The following CSGALNACT1 variants were observed in gnomAD, a reference collection of about 807,000 sequenced individuals.
CSGALNACT1 encodes beta4GalNAcT-1.
A neutral mutation model predicts 51.0 loss-of-function variants in CSGALNACT1; 52 were observed. The ratio of observed to expected loss-of-function variants is 1.02; its 90% confidence interval spans 0.82 to 1.29. The LOEUF is 1.29. Ranked by LOEUF, CSGALNACT1 falls within the 50% of genes most tolerant of loss-of-function variation. The pLI is 0.00. For missense variants in CSGALNACT1, 935 were observed against 679.2 expected (o/e 1.38, Z -4.19); for synonymous variants, 341 against 254.4 (o/e 1.34, Z -3.24).
intron 1 of CSGALNACT1, among the ~76,000 whole-genome samples, chr8:19,672,619 AC>A (rs2059879103): frequency 6.6e-6 from 1 of 152,246 alleles, no homozygotes; most frequent in Non-Finnish European, 1.5e-5. Context: ...CTTTCCAGTC[AC>A]TTATAGATGA....
chr8:19,578,673 A>G (rs536763216), intron 3 of CSGALNACT1, among the ~76,000 whole-genome samples: 1 of 152,058 alleles, frequency 6.6e-6, no homozygotes, highest in African/African-American at 2.4e-5. Flanking sequence ...CTAGACCTAT[A>G]CCAAGTTTCT....
At chr8:19,445,945 C>A (rs568030802) in intron 5 of CSGALNACT1, among the ~76,000 whole-genome samples, 10 of 152,240 alleles carry the variant, frequency 6.6e-5, no homozygotes, top group African/African-American at 2.4e-4. Context: ...GAGGCCGAGG[C>A]AGGAGGATCA....
intron 5 of CSGALNACT1, 135 bp downstream of exon 4, chr8:19,458,291 G>C: frequency 1.2e-6 from 1 of 848,620 alleles, no homozygotes; most frequent in South Asian, 1.3e-5. Flanking sequence ...TAAACTTTAC[G>C]TGGAGAAAAC....
intron 1 of CSGALNACT1, among the ~76,000 whole-genome samples, chr8:19,694,335 G>C (rs1423425733): frequency 6.6e-6 from 1 of 152,202 alleles, no homozygotes; most frequent in Non-Finnish European, 1.5e-5. Context: ...CTCCCTGGAA[G>C]CTTCTTGTTC....
intron 1 of CSGALNACT1, among the ~76,000 whole-genome samples, chr8:19,637,497 C>T (rs924457943): frequency 3.3e-5 from 5 of 152,034 alleles, no homozygotes; most frequent in Non-Finnish European, 7.4e-5. Context: ...TGATTATTCC[C>T]CCCGAAGGCT....
chr8:19,662,361 A>G (rs551847820), intron 1 of CSGALNACT1, among the ~76,000 whole-genome samples: 6 of 152,238 alleles, frequency 3.9e-5, no homozygotes, highest in African/African-American at 1.4e-4. Context: ...AGTCTGGGCG[A>G]CAGAGAAAGA....
intron 2 of CSGALNACT1, among the ~76,000 whole-genome samples, chr8:19,594,242 G>A (rs1384725000): frequency 2.0e-5 from 3 of 152,144 alleles, no homozygotes; most frequent in South Asian, 4.1e-4. Flanking sequence ...ACAGCTAGAG[G>A]TGTATGAAAA....
chr8:19,676,855 A>T (rs2060229875), intron 1 of CSGALNACT1, among the ~76,000 whole-genome samples: 1 of 152,210 alleles, frequency 6.6e-6, no homozygotes, highest in Non-Finnish European at 1.5e-5. Flanking sequence ...AAGAAAATCA[A>T]GAAGAAAGGA....
At chr8:19,639,927 G>A (rs763639937) in intron 1 of CSGALNACT1, among the ~76,000 whole-genome samples, 1 of 151,486 alleles carries the variant, frequency 6.6e-6, no homozygotes, top group Non-Finnish European at 1.5e-5. Context: ...CGTCTCTCAG[G>A]CTGGAATGCA....
intron 4 of CSGALNACT1, among the ~76,000 whole-genome samples, chr8:19,473,145 C>G (rs968734054): frequency 6.6e-6 from 1 of 151,948 alleles, no homozygotes; most frequent in African/African-American, 2.4e-5. Flanking sequence ...CACTGTGGAC[C>G]CAGAGATGTA....
chr8:19,592,644 CTTAGGAGGCTAGG>C (rs1293675621), intron 2 of CSGALNACT1, among the ~76,000 whole-genome samples: 1 of 152,126 alleles, frequency 6.6e-6, no homozygotes, highest in Non-Finnish European at 1.5e-5. Context: ...GTCCCAGCTA[CTTAGGAGGCTAGG>C]GTGGGAGGAT....
At chr8:19,449,229 A>G (rs2062660086) in intron 5 of CSGALNACT1, among the ~76,000 whole-genome samples, 1 of 152,190 alleles carries the variant, frequency 6.6e-6, no homozygotes, top group African/African-American at 2.4e-5. Flanking sequence ...AATCAAAACC[A>G]ACTTCTATTA....
intron 3 of CSGALNACT1, among the ~76,000 whole-genome samples, chr8:19,541,661 A>G (rs1460343651): frequency 1.4e-5 from 2 of 147,954 alleles, no homozygotes; most frequent in African/African-American, 5.1e-5. Context: ...TTGGCCTCCA[A>G]AAGTCCTGGG....
intron 6 of CSGALNACT1, among the ~76,000 whole-genome samples, chr8:19,431,617 T>C (rs985474805): frequency 1.3e-5 from 2 of 152,112 alleles, no homozygotes; most frequent in African/African-American, 2.4e-5. Context: ...TACTGATCTA[T>C]AGTTTTCTTT....
intron 2 of CSGALNACT1, among the ~76,000 whole-genome samples, chr8:19,593,472 A>G (rs777729566): frequency 3.9e-5 from 6 of 152,176 alleles, no homozygotes; most frequent in East Asian, 1.9e-4. Context: ...CTGGGGCCCA[A>G]TGGCTCTCAA....
At chr8:19,619,351 G>A (rs1054812020) in intron 1 of CSGALNACT1, among the ~76,000 whole-genome samples, 5 of 152,060 alleles carry the variant, frequency 3.3e-5, no homozygotes, top group Non-Finnish European at 7.4e-5. Context: ...ATGCCTACAG[G>A]AGTGTGGAAG....
chr8:19,423,991 G>A (rs2058378720), intron 6 of CSGALNACT1, among the ~76,000 whole-genome samples: 1 of 152,168 alleles, frequency 6.6e-6, no homozygotes, highest in Non-Finnish European at 1.5e-5. Context: ...ACCTCGGCTT[G>A]CCTGTTCTCC....
chr8:19,695,504 C>T (rs979873077), intron 1 of CSGALNACT1, among the ~76,000 whole-genome samples: 1 of 152,156 alleles, frequency 6.6e-6, no homozygotes, highest in Admixed American at 6.5e-5. Context: ...TCAAATATCC[C>T]TTCTAAGCCT....
chr8:19,665,604 T>C lies in CSGALNACT1; in HGVS notation c.-544+16869A>G, dbSNP rs146461428. On this transcript the variant is annotated intron_variant, in intron 1 of 9. Coordinates refer to the CSGALNACT1 transcript ENST00000332246. ...GCCCAGGAAGCCACGGACTTTCCCA[T>C]GTCATCACTGACTTGCAAGCCTGGG... Among the ~76,000 whole-genome samples, 171 of 152,270 alleles carry C rather than the reference T, an allele frequency of 1.1e-3. 1 individual carries two copies. The highest frequency in any genetic ancestry group is 3.8e-3 in the African/African-American group (158 of 41,560).
Sources: allele counts gnomAD v4.1 joint callset (sites outside exome capture counted in the v4.1 genomes callset), GRCh38; gene constraint gnomAD v4.1.1; transcripts MANE v1.5; gene names NCBI Gene and HGNC (gene_info 2026-07-23, HGNC 2026-07-21).